The following C16orf89 variants were observed in gnomAD, a reference collection of about 807,000 sequenced individuals.
C16orf89 encodes the protein UPF0764 protein C16orf89.
C16orf89 carries 57 observed loss-of-function variants against 41.5 expected under a neutral mutation model. That is an observed-to-expected ratio of 1.38 (90% CI 1.11 to 1.71). The LOEUF (loss-of-function observed/expected upper bound fraction) is 1.71, where lower values mean the gene tolerates loss of function less well. Ranked by LOEUF, C16orf89 falls within the 40% of genes most tolerant of loss-of-function variation. C16orf89 has a pLI of 0.00. For missense variants in C16orf89, 575 were observed against 445.9 expected (o/e 1.29, Z -2.61); for synonymous variants, 223 against 190.6 (o/e 1.17, Z -1.40).
At chr16:5,063,166 A>T (rs144139032) in intron 1 of C16orf89, among the ~76,000 whole-genome samples, 30 of 152,248 alleles carry the variant, frequency 2.0e-4, no homozygotes, top group African/African-American at 6.5e-4. Flanking sequence ...AGAACATCCG[A>T]GTGAGAGCAT....
chr16:5,055,600 G>A lies in C16orf89; in HGVS notation c.764-250C>T, dbSNP rs373331510. 1.1e-4 allele frequency: 146 copies of A among 1,363,180 alleles called. No homozygotes were observed. The African/African-American group carries it at 1.9e-3, about 17-fold the overall frequency. 84.4% of individuals were successfully genotyped at this position (1,363,180 alleles called of 1,614,324 possible). ...CTCCAAAGTCAGGATCAGTGGAGGAGTTTGGACACCCCAGCCAGCTAGCAG... is the reference window on the plus strand; with the variant it reads ...CTCCAAAGTCAGGATCAGTGGAGGAATTTGGACACCCCAGCCAGCTAGCAG... On this transcript the variant is annotated intron_variant, in intron 5 of 7. Coordinates refer to ENST00000472572, the MANE Select transcript of C16orf89 (RefSeq NM_001098514.3).
rs753510232 is a variant in C16orf89 at position 5,055,298 on chromosome 16, C to T, written c.816G>A (p.Leu272=). The T allele has an allele frequency of 6.2e-7, 1 of 1,613,654 alleles. No individual in the cohort carries two copies. The highest frequency in any genetic ancestry group is 1.3e-5 in the African/African-American group (1 of 75,014). The change falls in exon 6 of 8, where the codon CTG becomes CTA. Residue 272 remains leucine (L), a synonymous_variant. Coordinates refer to ENST00000472572, the MANE Select transcript of C16orf89 (RefSeq NM_001098514.3). The part of the protein sequence containing the change: ...GFSDFYKLRW[L]EAILSWQKQQ... ...GTTTCTGCCAGCTGAGAATGGCCTC[C>T]AGCCACCGGAGCTTGTAGAAGTCGG...
chr16:5,056,604 C>G (rs1956511951), intron 4 of C16orf89, among the ~76,000 whole-genome samples: 1 of 152,066 alleles, frequency 6.6e-6, no homozygotes, highest in Non-Finnish European at 1.5e-5. Flanking sequence ...GAGCCTGAAC[C>G]CGCGGGCAGC....
At chr16:5,058,415 G>A in intron 4 of C16orf89, 78 bp downstream of exon 4, 4 of 1,300,998 alleles carry the variant, frequency 3.1e-6, no homozygotes, top group Non-Finnish European at 3.2e-6. Flanking sequence ...TTACAGGCAT[G>A]AGCCACCACG....
chr16:5,051,544 T>C (rs1472791713), intron 6 of C16orf89, among the ~76,000 whole-genome samples: 2 of 152,000 alleles, frequency 1.3e-5, no homozygotes, highest in Non-Finnish European at 2.9e-5. Flanking sequence ...ATGAAAGAAA[T>C]TGAAGAGAAC....
intron 5 of C16orf89, 54 bp downstream of exon 5, chr16:5,055,980 TGTGTGTGTGTGTGTGTGTG>T: frequency 2.9e-6 from 3 of 1,030,352 alleles, no homozygotes; most frequent in Non-Finnish European, 2.9e-6. Context: ...TGTGTGTGTG[TGTGTGTGTGTGTGTGTGTG>T]TTGGTGGGGG....
chr16:5,044,399 TG>T lies in C16orf89; in HGVS notation c.1034del (p.Pro345GlnfsTer34). On this transcript the variant is annotated frameshift_variant, in exon 8 of 8. Coordinates refer to ENST00000472572, the MANE Select transcript of C16orf89 (RefSeq NM_001098514.3). LOFTEE classifies it low-confidence loss of function (END_TRUNC). ...TGGATGGGTGTGGCTCTCTGTTTGCTGGGGGGTATTCTGCCAGGATGTATAG... is the reference window on the plus strand; with the variant it reads ...TGGATGGGTGTGGCTCTCTGTTTGCTGGGGGTATTCTGCCAGGATGTATAG... ...GFLYILAEYP[P>X]ANREPHPSTP... is the part of the protein sequence containing the mutation. 6.2e-7 allele frequency: 1 copy of T among 1,612,584 alleles called. No individual in the cohort carries two copies. The highest frequency in any genetic ancestry group is 8.5e-7 in the Non-Finnish European group (1 of 1,179,554).
At chr16:5,061,291 C>T (rs1184552820) in intron 2 of C16orf89, among the ~76,000 whole-genome samples, 4 of 127,774 alleles carry the variant, frequency 3.1e-5, no homozygotes, top group African/African-American at 1.2e-4. Flanking sequence ...AAAAGCCGGG[C>T]GTGGTGGCGC....
At position 5,044,286 on chromosome 16, in the gene C16orf89, T is replaced by G; in HGVS notation, c.*62A>C. 6.6e-7 allele frequency: 1 copy of G among 1,509,938 alleles called. No homozygotes were observed. The highest frequency in any genetic ancestry group is 8.8e-7 in the Non-Finnish European group (1 of 1,131,288). 93.5% of individuals were successfully genotyped at this position (1,509,938 alleles called of 1,614,324 possible). On this transcript the variant is annotated 3_prime_UTR_variant, in exon 8 of 8. Transcript: ENST00000472572. ...GATGTGATCCGTGCCCTCCAGGATC[T>G]AAGGGATGAGGACTAAAGGGGTCTG...
rs1237431386 is a variant in C16orf89 at position 5,065,827 on chromosome 16, T to G, written c.82A>C (p.Thr28Pro). The change falls in exon 1 of 8, where the codon ACT becomes CCT. Residue 28 changes from threonine (T) to proline (P), a missense_variant. Thr to Pro is a conservative substitution (Grantham distance 38). Transcript: ENST00000472572. ...GCAATGGTGGCTTTACTTTCAGCAG[T>G]GTCCAGCCCAGGCAGTGAGGAGGAC... ...LWSSSLPGLDTAESKATIADL... is the reference protein window; with the variant it reads ...LWSSSLPGLDPAESKATIADL... 5 of 1,614,184 alleles carry G rather than the reference T, an allele frequency of 3.1e-6. No individual in the cohort carries two copies. Among genetic ancestry groups the G allele is most frequent in the Non-Finnish European group, 4.2e-6 (5 of 1,180,006 alleles).
At chr16:5,047,206 C>G (rs1359575490) in intron 7 of C16orf89, among the ~76,000 whole-genome samples, 1 of 152,184 alleles carries the variant, frequency 6.6e-6, no homozygotes, top group Non-Finnish European at 1.5e-5. Context: ...TCCTGCCATT[C>G]TCCAGCTCTA....
chr16:5,056,030 CG>C, intron 5 of C16orf89, 22 bp downstream of exon 5: 1 of 1,572,906 alleles, frequency 6.4e-7, no homozygotes, highest in Non-Finnish European at 8.7e-7. Context: ...TCCTTTGCCC[CG>C]GGGGCAGAAT....
chr16:5,060,113 G>A (rs1487108404), intron 3 of C16orf89, 173 bp downstream of exon 3: 1 of 737,526 alleles, frequency 1.4e-6, no homozygotes, highest in Non-Finnish European at 2.0e-6. Flanking sequence ...TGGAGCAAGG[G>A]GGACCCTGCT....
At chr16:5,058,446 T>C (rs565408146) in intron 4 of C16orf89, 47 bp downstream of exon 4, 1 of 1,517,212 alleles carries the variant, frequency 6.6e-7, no homozygotes, top group African/African-American at 1.4e-5. Flanking sequence ...CCTTTTCCTT[T>C]TTCCTTCCCC....
In C16orf89 at chr16:5,060,388, C is replaced by T. The variant is rs775565066; in HGVS notation, c.407G>A (p.Trp136Ter). The T allele has an allele frequency of 1.2e-5, 20 of 1,612,868 alleles. No homozygotes were observed. In the South Asian group the frequency reaches 2.2e-4, roughly 18 times the overall value. Residue 136 changes from tryptophan to a stop codon, truncating the protein, a stop_gained, in exon 3 of 8, where the codon TGG becomes TAG. Transcript: ENST00000472572. LOFTEE classifies it high-confidence loss of function. ...CACCAAGGAGGCATCAGTGTGGATCCAGGCATGTGGGAGCTTCCAAAACCC... is the reference window on the plus strand; with the variant it reads ...CACCAAGGAGGCATCAGTGTGGATCTAGGCATGTGGGAGCTTCCAAAACCC... ...QPGFWKLPHAWIHTDASLVYP... is the reference protein window; with the variant it reads ...QPGFWKLPHA
At chr16:5,061,568 T>G (rs1956628631) in intron 2 of C16orf89, among the ~76,000 whole-genome samples, 1 of 150,192 alleles carries the variant, frequency 6.7e-6, no homozygotes, top group Admixed American at 6.6e-5. Context: ...TGGTAGACCT[T>G]TTGGTTTGGT....
intron 6 of C16orf89, among the ~76,000 whole-genome samples, chr16:5,049,939 A>G (rs141008503): frequency 6.6e-6 from 1 of 152,168 alleles, no homozygotes; most frequent in Non-Finnish European, 1.5e-5. Flanking sequence ...TCAACAGATA[A>G]ATTATTAACT....
At chr16:5,052,233 G>T (rs1036028251) in intron 6 of C16orf89, among the ~76,000 whole-genome samples, 1 of 151,904 alleles carries the variant, frequency 6.6e-6, no homozygotes, top group South Asian at 2.1e-4. Context: ...AATCATCAGA[G>T]AAACGCAAAT....
chr16:5,054,770 G>C (rs1487623788), intron 6 of C16orf89, among the ~76,000 whole-genome samples: 1 of 152,172 alleles, frequency 6.6e-6, no homozygotes, highest in South Asian at 2.1e-4. Flanking sequence ...TCACGGTAAT[G>C]AATAAGTCTC....
Sources: gnomAD v4.1 joint callset for allele counts (sites outside exome capture counted in the v4.1 genomes callset) on GRCh38, gnomAD v4.1.1 for gene constraint, MANE v1.5 for transcripts, NCBI Gene and HGNC (gene_info 2026-07-23, HGNC 2026-07-21) for gene names.